GFRA1: variants seen among roughly 807,000 people sequenced by gnomAD.
GFRA1 encodes the protein GDNF family receptor alpha-1.
In GFRA1, 16 loss-of-function variants were observed where a neutral mutation model predicts 51.6. The observed-to-expected ratio is 0.31, with a 90% CI of 0.21 to 0.47. The LOEUF is 0.47. Ranked by LOEUF, GFRA1 falls within the 20% of genes least tolerant of loss-of-function variation. The pLI, the probability that GFRA1 is intolerant of heterozygous loss-of-function variation, is 1.00. For synonymous variants in GFRA1, 270 were observed against 241.3 expected (o/e 1.12, Z -1.10); for missense variants, 530 against 594.3 (o/e 0.89, Z 1.13).
intron 5 of GFRA1, among the ~76,000 whole-genome samples, chr10:116,202,866 C>T (rs995502410): frequency 3.9e-5 from 6 of 152,094 alleles, no homozygotes; most frequent in African/African-American, 7.2e-5. Flanking sequence ...GCTGGGCTAG[C>T]CCCCTTGATG....
chr10:116,179,755 A>G lies in GFRA1; in HGVS notation c.433+31876T>C, dbSNP rs1962024056. Reference sequence around the variant, plus strand: ...CAAAGACAGCACTAGGAAAACCTCTAAATAGTGGCTAGAGGTGAACTGTCC... The same window carrying G: ...CAAAGACAGCACTAGGAAAACCTCTGAATAGTGGCTAGAGGTGAACTGTCC... On this transcript the variant is annotated intron_variant, in intron 5 of 10. Transcript: ENST00000355422. Among the ~76,000 whole-genome samples the G allele has an allele frequency of 2.6e-5, 4 of 152,330 alleles. No homozygotes were observed. In the South Asian group the frequency reaches 8.3e-4, roughly 32 times the overall value.
At position 116,077,800 on chromosome 10, in the gene GFRA1, C is replaced by CT. The variant is rs1419765663; in HGVS notation, c.1197+11940dup. ...CAGCCCAGCACCTGATGTCGGCAGG[C>CT]TGGGGGGGACAGCTTGTCCTCCATG... On this transcript the variant is annotated intron_variant, in intron 9 of 10. Coordinates refer to ENST00000355422, the MANE Select transcript of GFRA1 (RefSeq NM_005264.8). 2.6e-5 allele frequency among the ~76,000 whole-genome samples: 4 copies of CT among 152,198 alleles called. No homozygotes were observed. The East Asian group carries it at 7.7e-4, about 29-fold the overall frequency.
intron 5 of GFRA1, among the ~76,000 whole-genome samples, chr10:116,146,860 C>A (rs1958821905): frequency 3.3e-5 from 5 of 152,156 alleles, no homozygotes; most frequent in Admixed American, 2.6e-4. Context: ...GCAAATTTTA[C>A]AAATTTTTAC....
chr10:116,189,755 G>C (rs1000254470), intron 5 of GFRA1, among the ~76,000 whole-genome samples: 34 of 152,072 alleles, frequency 2.2e-4, no homozygotes, highest in Non-Finnish European at 4.7e-4. Flanking sequence ...TATATTTCCA[G>C]TGTTATCCAG....
chr10:116,233,274 GC>G, intron 4 of GFRA1, among the ~76,000 whole-genome samples: 1 of 151,960 alleles, frequency 6.6e-6, no homozygotes, highest in Middle Eastern at 3.4e-3. Context: ...GTTGCAGTGA[GC>G]CAAGATTGCA....
intron 5 of GFRA1, among the ~76,000 whole-genome samples, chr10:116,159,835 T>TA (rs1216792485): frequency 6.6e-6 from 1 of 152,128 alleles, no homozygotes; most frequent in Non-Finnish European, 1.5e-5. Context: ...GAGCTGCTCT[T>TA]AGGTCAATTC....
At chr10:116,170,205 T>C (rs1266445869) in intron 5 of GFRA1, among the ~76,000 whole-genome samples, 1 of 152,206 alleles carries the variant, frequency 6.6e-6, no homozygotes, top group East Asian at 1.9e-4. Flanking sequence ...TTATCTGCTA[T>C]GTGATGCTGA....
chr10:116,193,159 A>AT (rs907425993), intron 5 of GFRA1, among the ~76,000 whole-genome samples: 5 of 152,002 alleles, frequency 3.3e-5, no homozygotes, highest in East Asian at 2.0e-4. Context: ...ATAAAAATAG[A>AT]TTTTTTTTAT....
chr10:116,158,574 C>A (rs981032306), intron 5 of GFRA1, among the ~76,000 whole-genome samples: 2 of 152,152 alleles, frequency 1.3e-5, no homozygotes, highest in Admixed American at 6.5e-5. Context: ...TGGAGTAAGG[C>A]CAGACCACAG....
intron 5 of GFRA1, among the ~76,000 whole-genome samples, chr10:116,146,009 A>T (rs1161455760): frequency 6.6e-6 from 1 of 151,230 alleles, no homozygotes; most frequent in Non-Finnish European, 1.5e-5. Flanking sequence ...AACAAAGTGT[A>T]CACACACACA....
chr10:116,126,795 A>G (rs756217134), intron 5 of GFRA1, among the ~76,000 whole-genome samples: 3 of 152,194 alleles, frequency 2.0e-5, no homozygotes, highest in Non-Finnish European at 4.4e-5. Flanking sequence ...CATTTAGGAA[A>G]TGACAAAAGG....
intron 5 of GFRA1, among the ~76,000 whole-genome samples, chr10:116,197,211 T>C (rs1014014222): frequency 3.9e-5 from 6 of 152,106 alleles, no homozygotes; most frequent in African/African-American, 1.4e-4. Context: ...GATTAATTCA[T>C]GGAAGCAGAG....
chr10:116,273,476 G>A (rs1844099147), upstream of GFRA1: 1 of 152,176 alleles, frequency 6.6e-6, no homozygotes. Context: ...GAGGACCCTC[G>A]GCCTGCTCCT....
At chr10:116,138,581 G>A (rs578091883) in intron 5 of GFRA1, among the ~76,000 whole-genome samples, 1 of 152,052 alleles carries the variant, frequency 6.6e-6, no homozygotes, top group South Asian at 2.1e-4. Context: ...ATTTACCAGG[G>A]GGCCCTAGAA....
rs180551 is a variant in GFRA1 at position 116,059,360 on chromosome 10, T to C, written c.*5038A>G. 56,954 of 152,092 alleles carry C rather than the reference T, an allele frequency of 0.37. 12,499 individuals are homozygous for C. Among genetic ancestry groups the C allele is most frequent in the East Asian group, 0.61 (3,149 of 5,132 alleles). The allele number at this position is 152,092 out of a possible 1,614,324, so 9.4% of individuals were successfully genotyped here. On this transcript the variant is annotated 3_prime_UTR_variant, in exon 11 of 11. Transcript: ENST00000355422. ...AAAATTGGGGATTGGTAAGAAAGCCTAGCCTGAGAGGAAGAGAAGAAAATC... is the reference window on the plus strand; with the variant it reads ...AAAATTGGGGATTGGTAAGAAAGCCCAGCCTGAGAGGAAGAGAAGAAAATC...
intron 5 of GFRA1, among the ~76,000 whole-genome samples, chr10:116,172,476 G>A (rs1961127716): frequency 6.6e-6 from 1 of 152,200 alleles, no homozygotes; most frequent in Non-Finnish European, 1.5e-5. Context: ...GTCAATGAGA[G>A]ATGAGGAGGA....
At chr10:116,267,487 A>AC (rs201039831) in intron 4 of GFRA1, among the ~76,000 whole-genome samples, 1,776 of 152,140 alleles carry the variant, frequency 0.012, 80 homozygotes, top group Admixed American at 0.079. Context: ...AAACAAACAA[A>AC]AAAAAAAACC....
At chr10:116,127,109 A>C (rs1957910672) in intron 5 of GFRA1, among the ~76,000 whole-genome samples, 2 of 152,104 alleles carry the variant, frequency 1.3e-5, no homozygotes, top group Non-Finnish European at 2.9e-5. Context: ...ATGAAAAAAA[A>C]AAAAATGGGG....
At position 116,058,725 on chromosome 10, in the gene GFRA1, A is replaced by C. The variant is rs562342503; in HGVS notation, c.*5673T>G. 4 of 152,340 alleles carry C rather than the reference A, an allele frequency of 2.6e-5. No individual in the cohort carries two copies. Among genetic ancestry groups the C allele is most frequent in the African/African-American group, 9.6e-5 (4 of 41,568 alleles). 9.4% of individuals were successfully genotyped at this position (152,340 alleles called of 1,614,324 possible). A position where few individuals can be genotyped will look rare whatever the true frequency, so the allele number is the denominator to read the frequency against. On this transcript the variant is annotated 3_prime_UTR_variant, in exon 11 of 11. Transcript: ENST00000355422. The stretch of plus-strand genomic sequence containing the variant: ...CCCTGTGTTCTCAAGTTCAGCTCCA[A>C]ATGCTGGTTTATTCCGTCAGAGTAC...
Sources: allele counts gnomAD v4.1 joint callset (sites outside exome capture counted in the v4.1 genomes callset), GRCh38; gene constraint gnomAD v4.1.1; transcripts MANE v1.5; gene names NCBI Gene and HGNC (gene_info 2026-07-23, HGNC 2026-07-21).